CFAP54: variants seen among roughly 807,000 people sequenced by gnomAD.
CFAP54 encodes cilia and flagella associated protein 54, also known as cilia- and flagella-associated protein 54.
Under a neutral mutation model 370.4 loss-of-function variants are expected in CFAP54, and 290 were observed. The observed-to-expected ratio is 0.78, with a 90% CI of 0.71 to 0.86. The LOEUF is 0.86. Among genes scored for constraint, CFAP54 ranks in the 40% least tolerant of loss-of-function variants. The pLI is 0.00. For missense variants in CFAP54, 3,399 were observed against 3,528.7 expected, an observed-to-expected ratio of 0.96 and a Z score of 0.93; for synonymous variants, 1,206 against 1,236.5, an observed-to-expected ratio of 0.98 and a Z score of 0.52.
chr12:96,855,851 C>T (rs1959689913), intron 66 of CFAP54, among the ~76,000 whole-genome samples: 5 of 152,226 alleles, frequency 3.3e-5, no homozygotes, highest in Admixed American at 2.6e-4. Context: ...GGCAGTGCCC[C>T]AGTGGGACTC....
Position 96,625,749 on chromosome 12 carries a change from C to G in CFAP54, c.3918C>G (p.Asp1306Glu). 1.3e-6 allele frequency: 2 copies of G among 1,535,600 alleles called. No homozygotes were observed. Among genetic ancestry groups the G allele is most frequent in the Non-Finnish European group, 1.7e-6 (2 of 1,146,646 alleles). Residue 1306 changes from aspartate (D) to glutamate (E), a missense_variant, in exon 29 of 68, where the codon GAC (aspartate) becomes GAG (glutamate). By Grantham distance (45) the Asp-to-Glu change is conservative (BLOSUM62 2). Around this residue, in one of 3 missense-constraint regions of CFAP54, gnomAD observed 2,796 missense variants for 2,869.7 expected, o/e 0.97. Coordinates refer to ENST00000524981, the MANE Select transcript of CFAP54 (RefSeq NM_001306084.2). Reference protein sequence around the residue: ...YVTSELSGGEDPIFLYPVVLN... With the variant: ...YVTSELSGGEEPIFLYPVVLN... ...CATCTGAACTCTCAGGAGGAGAGGA[C>G]CCTATATTTCTTTATCCTGTAGTTT...
At chr12:96,850,966 G>T (rs1592809971) in intron 66 of CFAP54, among the ~76,000 whole-genome samples, 1 of 152,222 alleles carries the variant, frequency 6.6e-6, no homozygotes, top group Non-Finnish European at 1.5e-5. Flanking sequence ...GATGAGATTT[G>T]GGTGGGGACA....
intron 64 of CFAP54, among the ~76,000 whole-genome samples, chr12:96,815,033 A>G (rs1456069333): frequency 6.6e-6 from 1 of 152,230 alleles, no homozygotes; most frequent in East Asian, 1.9e-4. Context: ...ATATTTCTTT[A>G]TAGTAGAATG....
chr12:96,811,811 T>C lies in CFAP54; in HGVS notation c.8926T>C (p.Cys2976Arg). The stretch of plus-strand genomic sequence containing the variant: ...TAGACATTCCACTTATAACAGTACA[T>C]GTGTTGGCTCTTTATGGATTCCACT... Reference protein sequence around the residue: ...DVRHSTYNSTCVGSLWIPLNR... With the variant: ...DVRHSTYNSTRVGSLWIPLNR... The change falls in exon 64 of 68, where the codon TGT becomes CGT. Residue 2976 changes from cysteine (C) to arginine (R), a missense_variant. By Grantham distance (180) the Cys-to-Arg change is radical. Transcript: ENST00000524981. The C allele has an allele frequency of 2.6e-6, 4 of 1,519,090 alleles. No homozygotes were observed. Among genetic ancestry groups the C allele is most frequent in the Non-Finnish European group, 3.5e-6 (4 of 1,140,306 alleles). The allele number at this position is 1,519,090 out of a possible 1,614,324, so 94.1% of individuals were successfully genotyped here.
At chr12:96,644,703 G>A (rs1956770211) in intron 33 of CFAP54, among the ~76,000 whole-genome samples, 2 of 152,198 alleles carry the variant, frequency 1.3e-5, no homozygotes, top group South Asian at 4.1e-4. Context: ...GCAGGAGAGA[G>A]AAGTGCAAGG....
At chr12:96,643,550 C>G (rs1031146229) in intron 32 of CFAP54, among the ~76,000 whole-genome samples, 1 of 152,094 alleles carries the variant, frequency 6.6e-6, no homozygotes, top group Admixed American at 6.6e-5. Flanking sequence ...GCTCTATAAA[C>G]AACTATATAA....
chr12:96,545,312 G>A (rs1358491632), intron 14 of CFAP54, among the ~76,000 whole-genome samples: 1 of 151,944 alleles, frequency 6.6e-6, no homozygotes, highest in Non-Finnish European at 1.5e-5. Flanking sequence ...CGGGTTGATG[G>A]GTGCAGCAAA....
At chr12:96,574,559 T>TA (rs986515274) in intron 19 of CFAP54, among the ~76,000 whole-genome samples, 1 of 151,728 alleles carries the variant, frequency 6.6e-6, no homozygotes, top group Non-Finnish European at 1.5e-5. Context: ...TTTATTGACT[T>TA]AAAAAAATCT....
chr12:96,822,216 A>G (rs1372835315), intron 65 of CFAP54, among the ~76,000 whole-genome samples: 1 of 152,204 alleles, frequency 6.6e-6, no homozygotes, highest in African/African-American at 2.4e-5. Context: ...GGGAGTGTTC[A>G]GAGCCTGTCA....
intron 15 of CFAP54, among the ~76,000 whole-genome samples, chr12:96,550,411 T>C (rs1955682061): frequency 6.6e-6 from 1 of 152,114 alleles, no homozygotes; most frequent in South Asian, 2.1e-4. Flanking sequence ...ACCCTGTCTT[T>C]ACTAAAAACA....
chr12:96,533,998 TG>T (rs1390349665), intron 10 of CFAP54, 25 bp downstream of exon 10: 43 of 1,470,236 alleles, frequency 2.9e-5, no homozygotes, highest in Non-Finnish European at 3.8e-5. Context: ...ATTATCCTCC[TG>T]GTTTTTTTTT....
chr12:96,874,691 G>A (rs1279955047), intron 67 of CFAP54, among the ~76,000 whole-genome samples: 2 of 134,312 alleles, frequency 1.5e-5, no homozygotes, highest in Admixed American at 8.1e-5. Flanking sequence ...GTGCAGTGGC[G>A]CGATCTCGGC....
intron 26 of CFAP54, among the ~76,000 whole-genome samples, chr12:96,601,260 T>A (rs1205192396): frequency 6.6e-6 from 1 of 152,226 alleles, no homozygotes; most frequent in Non-Finnish European, 1.5e-5. Flanking sequence ...AGATTACATT[T>A]ACTGATTTGT....
In CFAP54 at chr12:96,663,933, G is replaced by A. The variant is rs1957025988; in HGVS notation, c.5563+1G>A. 6.2e-7 allele frequency: 1 copy of A among 1,603,934 alleles called. No individual in the cohort carries two copies. Among genetic ancestry groups the A allele is most frequent in the South Asian group, 1.1e-5 (1 of 90,200 alleles). ...TTGCTAAAAATGCTTATCTCTTCAGGTCAGAACCAATCTTAGCTTGAATGT... is the reference window on the plus strand; with the variant it reads ...TTGCTAAAAATGCTTATCTCTTCAGATCAGAACCAATCTTAGCTTGAATGT... On this transcript the variant is annotated splice_donor_variant, in intron 39 of 67. Transcript: ENST00000524981. LOFTEE classifies it high-confidence loss of function.
chr12:96,838,030 G>A (rs1959191951), intron 66 of CFAP54, among the ~76,000 whole-genome samples: 1 of 152,318 alleles, frequency 6.6e-6, no homozygotes, highest in South Asian at 2.1e-4. Context: ...GTTAGTGGGT[G>A]CTCTTATGGC....
intron 28 of CFAP54, among the ~76,000 whole-genome samples, chr12:96,625,151 AT>A (rs1449067927): frequency 6.6e-6 from 1 of 152,202 alleles, no homozygotes; most frequent in Non-Finnish European, 1.5e-5. Flanking sequence ...AAAATATACT[AT>A]TTTTATAAAA....
At chr12:96,507,319 G>A (rs1955113898) in intron 4 of CFAP54, among the ~76,000 whole-genome samples, 1 of 152,126 alleles carries the variant, frequency 6.6e-6, no homozygotes, top group Admixed American at 6.5e-5. Flanking sequence ...AGAGACTGTG[G>A]GAATAATCAC....
chr12:96,502,396 T>TA (rs535053383), intron 2 of CFAP54, among the ~76,000 whole-genome samples: 11,881 of 68,488 alleles, frequency 0.17, 1,777 homozygotes, highest in East Asian at 0.47. Context: ...ACACTGTCCC[T>TA]AAAAAAAAAA....
intron 21 of CFAP54, 27 bp from the exon 22 acceptor site, chr12:96,580,893 T>C: frequency 7.2e-7 from 1 of 1,387,212 alleles, no homozygotes; most frequent in Non-Finnish European, 9.5e-7. Context: ...TTTTCATGTA[T>C]AACTTGAAAT....
Sources: gnomAD v4.1 joint callset for allele counts (sites outside exome capture counted in the v4.1 genomes callset) on GRCh38, gnomAD v4.1.1 for gene constraint, gnomAD v4.1.1 regional missense constraint, MANE v1.5 for transcripts, NCBI Gene and HGNC (gene_info 2026-07-23, HGNC 2026-07-21) for gene names.